IQGAP2: variants seen among roughly 807,000 people sequenced by gnomAD.
IQGAP2 encodes the protein IQ motif containing GTPase activating protein 2, also known as ras GTPase-activating-like protein IQGAP2.
Under a neutral mutation model 201.3 loss-of-function variants are expected in IQGAP2, and 173 were observed. The ratio of observed to expected loss-of-function variants is 0.86; its 90% confidence interval spans 0.76 to 0.98. The LOEUF (loss-of-function observed/expected upper bound fraction) is 0.98, where lower values mean the gene tolerates loss of function less well. Among genes scored for constraint, IQGAP2 ranks in the 50% least tolerant of loss-of-function variants. The probability of loss-of-function intolerance (pLI) is 0.00; values close to 1 mark genes in which losing one functional copy is unlikely to be tolerated. For missense variants in IQGAP2, 1,687 were observed against 1,864.8 expected (o/e 0.90, Z 1.76); for synonymous variants, 675 against 673.9 (o/e 1.00, Z -0.03).
At chr5:76,690,946 C>G (rs1202318230) in intron 30 of IQGAP2, among the ~76,000 whole-genome samples, 3 of 152,218 alleles carry the variant, frequency 2.0e-5, no homozygotes, top group East Asian at 3.8e-4. Flanking sequence ...GGCTTTAGAT[C>G]TTTTCATCCA....
At chr5:76,436,290 G>C (rs571620936) in intron 1 of IQGAP2, among the ~76,000 whole-genome samples, 7 of 151,328 alleles carry the variant, frequency 4.6e-5, no homozygotes, top group Non-Finnish European at 7.4e-5. Context: ...TCCCTGTCTT[G>C]TTCCAGTACT....
chr5:76,563,250 G>A (rs776061872), intron 3 of IQGAP2, among the ~76,000 whole-genome samples: 4 of 152,094 alleles, frequency 2.6e-5, no homozygotes, highest in African/African-American at 9.7e-5. Context: ...ATAGCAAGAA[G>A]AAGAAAGATC....
chr5:76,697,511 G>A (rs1746865287), intron 32 of IQGAP2, among the ~76,000 whole-genome samples: 1 of 152,132 alleles, frequency 6.6e-6, no homozygotes, highest in South Asian at 2.1e-4. Flanking sequence ...AGGCATATTG[G>A]CACGGGCCTG....
At chr5:76,635,759 G>A (rs1445525974) in intron 15 of IQGAP2, among the ~76,000 whole-genome samples, 4 of 143,512 alleles carry the variant, frequency 2.8e-5, no homozygotes, top group Admixed American at 2.1e-4. Context: ...GCCTGGGGAG[G>A]TTGAGGCTGC....
chr5:76,559,079 T>C (rs1744149824), intron 2 of IQGAP2, among the ~76,000 whole-genome samples: 1 of 152,056 alleles, frequency 6.6e-6, no homozygotes, highest in Non-Finnish European at 1.5e-5. Flanking sequence ...TTTTTTGTAT[T>C]TTTATTAGAG....
chr5:76,674,293 G>T (rs1018140955), intron 26 of IQGAP2, among the ~76,000 whole-genome samples, 184 bp from the exon 27 acceptor site: 1 of 151,912 alleles, frequency 6.6e-6, no homozygotes, highest in East Asian at 1.9e-4. Flanking sequence ...TGCAAATTAT[G>T]CTATTAATAA....
intron 13 of IQGAP2, among the ~76,000 whole-genome samples, chr5:76,625,851 G>A (rs1470451119): frequency 6.6e-6 from 1 of 152,120 alleles, no homozygotes; most frequent in Non-Finnish European, 1.5e-5. Context: ...TTTAGAACAC[G>A]ACACTTATTC....
At chr5:76,679,922 A>G (rs1745134462) in intron 28 of IQGAP2, among the ~76,000 whole-genome samples, 1 of 152,246 alleles carries the variant, frequency 6.6e-6, no homozygotes, top group South Asian at 2.1e-4. Context: ...ACTTTAGAAG[A>G]AAATAAGTGT....
chr5:76,524,504 G>A (rs544139879), intron 2 of IQGAP2, among the ~76,000 whole-genome samples: 1 of 152,304 alleles, frequency 6.6e-6, no homozygotes, highest in South Asian at 2.1e-4. Context: ...TGGGAAAACA[G>A]AAGAGAAGGC....
intron 33 of IQGAP2, 111 bp from the exon 34 acceptor site, chr5:76,700,965 C>A: frequency 9.0e-7 from 1 of 1,111,102 alleles, no homozygotes; most frequent in Non-Finnish European, 1.3e-6. Flanking sequence ...ATATTCAGCG[C>A]TCTGAGGGCC....
At chr5:76,476,642 A>G (rs955302788) in intron 2 of IQGAP2, among the ~76,000 whole-genome samples, 4 of 152,138 alleles carry the variant, frequency 2.6e-5, no homozygotes, top group Non-Finnish European at 5.9e-5. Flanking sequence ...ATGACTTTAT[A>G]TGAGTTCTGG....
chr5:76,442,962 G>C (rs980510918), intron 1 of IQGAP2, among the ~76,000 whole-genome samples: 1 of 152,210 alleles, frequency 6.6e-6, no homozygotes, highest in African/African-American at 2.4e-5. Flanking sequence ...ACTCCAGCCT[G>C]GGTGACAGAG....
In IQGAP2 at chr5:76,461,616, G is replaced by C; in HGVS notation, c.93G>C (p.Arg31Ser). Residue 31 changes from arginine to serine, a missense_variant, in exon 2 of 36, where the codon AGG becomes AGC. Arg to Ser is a moderately radical substitution (Grantham distance 110). Transcript: ENST00000274364. ...ERLSAEEMDE[R>S]RRQNIAYEYL... ...TCTCTGCAGAGGAGATGGATGAGAG[G>C]AGGCGGCAGAACATTGCTTATGAAT... 6.2e-7 allele frequency: 1 copy of C among 1,614,060 alleles called. No homozygotes were observed. Among genetic ancestry groups the C allele is most frequent in the Non-Finnish European group, 8.5e-7 (1 of 1,179,924 alleles).
At chr5:76,471,396 C>G (rs1168010347) in intron 2 of IQGAP2, among the ~76,000 whole-genome samples, 1 of 148,592 alleles carries the variant, frequency 6.7e-6, no homozygotes, top group African/African-American at 2.5e-5. Flanking sequence ...ACACCCTTCC[C>G]TTGGTGATAG....
chr5:76,681,116 A>C lies in IQGAP2; in HGVS notation c.3661-1999A>C, dbSNP rs1028856641. 2.2e-5 allele frequency among the ~76,000 whole-genome samples: 3 copies of C among 134,960 alleles called. No individual in the cohort carries two copies. The Admixed American group carries it at 2.3e-4, about 10-fold the overall frequency. The allele number at this position is 134,960 out of a possible 152,430, so 88.5% of individuals were successfully genotyped here. A position where few individuals can be genotyped will look rare whatever the true frequency, so the allele number is the denominator to read the frequency against. The stretch of plus-strand genomic sequence containing the variant: ...AAAAAAAAAAAAAAAAAAAAAAAAA[A>C]CTTGAGAAAACCAACAGAATGAAAG... On this transcript the variant is annotated intron_variant, in intron 28 of 35. Coordinates refer to ENST00000274364, the MANE Select transcript of IQGAP2 (RefSeq NM_006633.5).
At position 76,519,383 on chromosome 5, in the gene IQGAP2, A is replaced by T. The variant is rs576730974; in HGVS notation, c.147-43013A>T. On this transcript the variant is annotated intron_variant, in intron 2 of 35. Coordinates refer to ENST00000274364, the MANE Select transcript of IQGAP2 (RefSeq NM_006633.5). The stretch of plus-strand genomic sequence containing the variant: ...AGATTTATCCATGTTGTGTGTAATG[A>T]TATGTTCCTTTTTATTGCTGGATAG... Among the ~76,000 whole-genome samples, 7 of 152,304 alleles carry T rather than the reference A, an allele frequency of 4.6e-5. No individual in the cohort carries two copies. The South Asian group carries it at 1.2e-3, about 27-fold the overall frequency.
intron 2 of IQGAP2, among the ~76,000 whole-genome samples, chr5:76,516,152 G>A (rs1232464234): frequency 6.6e-6 from 1 of 152,032 alleles, no homozygotes; most frequent in Admixed American, 6.6e-5. Flanking sequence ...TGAGATTACA[G>A]GCATGAGCTA....
At chr5:76,433,259 A>G (rs1424609989) in intron 1 of IQGAP2, among the ~76,000 whole-genome samples, 1 of 152,208 alleles carries the variant, frequency 6.6e-6, no homozygotes, top group Non-Finnish European at 1.5e-5. Flanking sequence ...TTCTTTGCCT[A>G]GGCCAATGTC....
At chr5:76,606,733 A>G (rs1747835082) in intron 12 of IQGAP2, 1 of 152,380 alleles carries the variant, frequency 6.6e-6, no homozygotes, top group African/African-American at 2.4e-5. Context: ...TAATGATCAC[A>G]AATCATGGTG....
Sources: allele counts gnomAD v4.1 joint callset (sites outside exome capture counted in the v4.1 genomes callset), GRCh38; gene constraint gnomAD v4.1.1; transcripts MANE v1.5; gene names NCBI Gene and HGNC (gene_info 2026-07-23, HGNC 2026-07-21).